Variants in BLTP3A observed in about 807,000 individuals in gnomAD.
BLTP3A encodes the protein bridge-like lipid transfer protein family member 3A.
the BLTP3A span, among the ~76,000 whole-genome samples, chr6:34,817,601 C>T: frequency 1.3e-5 from 2 of 152,140 alleles, no homozygotes; most frequent in Non-Finnish European, 2.9e-5. Context: ...TTCCTTGCCT[C>T]CAGAGTCCTG....
chr6:34,858,065 G>C, the BLTP3A span: 15 of 1,578,848 alleles, frequency 9.5e-6, no homozygotes, highest in Non-Finnish European at 1.1e-5. Flanking sequence ...TGTATTAATA[G>C]TGGGATGCTG....
chr6:34,822,042 CCT>C, the BLTP3A span: 10 of 1,527,822 alleles, frequency 6.5e-6, no homozygotes, highest in East Asian at 2.2e-4. Context: ...ATAGGCTAAC[CCT>C]TTTAGGAATG....
chr6:34,812,031 AAAG>A, the BLTP3A span, among the ~76,000 whole-genome samples: 3 of 152,118 alleles, frequency 2.0e-5, no homozygotes, highest in Admixed American at 2.0e-4. Flanking sequence ...GCTCTTAAAA[AAAG>A]AAAAAAGAGT....
chr6:34,795,681 G>A, the BLTP3A span, among the ~76,000 whole-genome samples: 8 of 151,964 alleles, frequency 5.3e-5, no homozygotes, highest in Admixed American at 2.0e-4. Context: ...GATTACAGGC[G>A]TGAGCCACCG....
chr6:34,824,364 T>C, the BLTP3A span, among the ~76,000 whole-genome samples: 1 of 151,634 alleles, frequency 6.6e-6, no homozygotes, highest in East Asian at 1.9e-4. Context: ...GAAACCCCGT[T>C]TCTACTAAAA....
At chr6:34,854,906 G>T in the BLTP3A span, among the ~76,000 whole-genome samples, 2 of 152,148 alleles carry the variant, frequency 1.3e-5, no homozygotes, top group Non-Finnish European at 1.5e-5. Context: ...ATACACACAT[G>T]CAGAGGAAAT....
chr6:34,872,409 A>G, the BLTP3A span: 1 of 1,612,654 alleles, frequency 6.2e-7, no homozygotes, highest in Admixed American at 1.7e-5. Context: ...TCAGGAGATT[A>G]GGAAATATAA....
At chr6:34,824,702 G>A in the BLTP3A span, among the ~76,000 whole-genome samples, 3 of 150,464 alleles carry the variant, frequency 2.0e-5, no homozygotes, top group Admixed American at 6.6e-5. Context: ...ACAGGGTCTC[G>A]CTCTGTCACC....
chr6:34,875,683 C>A, the BLTP3A span: 1 of 152,152 alleles, frequency 6.6e-6, no homozygotes, highest in South Asian at 2.1e-4. Context: ...TATGTGGCAG[C>A]TTTGGCCATT....
chr6:34,839,207 G>A, the BLTP3A span, among the ~76,000 whole-genome samples: 5 of 152,190 alleles, frequency 3.3e-5, no homozygotes, highest in South Asian at 4.1e-4. Context: ...CCGAGATGGC[G>A]CCATTGCACT....
the BLTP3A span, chr6:34,873,498 T>C: frequency 1.3e-5 from 2 of 152,200 alleles, no homozygotes; most frequent in African/African-American, 4.8e-5. Context: ...CTCATGTATT[T>C]TGACTCAAGT....
chr6:34,803,980 A>G, the BLTP3A span, among the ~76,000 whole-genome samples: 2 of 152,182 alleles, frequency 1.3e-5, no homozygotes, highest in African/African-American at 2.4e-5. Context: ...GTTGAGGAAC[A>G]CATTTCATTT....
the BLTP3A span, among the ~76,000 whole-genome samples, chr6:34,822,845 G>C: frequency 6.8e-6 from 1 of 147,868 alleles, no homozygotes; most frequent in Non-Finnish European, 1.5e-5. Flanking sequence ...GTAAGACTCT[G>C]TTTCGGGAAA....
chr6:34,807,693 A>G, the BLTP3A span, among the ~76,000 whole-genome samples: 1 of 152,192 alleles, frequency 6.6e-6, no homozygotes, highest in East Asian at 1.9e-4. Flanking sequence ...AGATTTGTTG[A>G]CAGTGTAAAT....
At chr6:34,807,068 C>T in the BLTP3A span, among the ~76,000 whole-genome samples, 3 of 152,094 alleles carry the variant, frequency 2.0e-5, no homozygotes, top group Non-Finnish European at 4.4e-5. Flanking sequence ...TAATCTAGAG[C>T]CTGCATGTAG....
At chr6:34,844,798 T>C in the BLTP3A span, among the ~76,000 whole-genome samples, 1 of 152,360 alleles carries the variant, frequency 6.6e-6, no homozygotes, top group East Asian at 1.9e-4. Flanking sequence ...TCCCATTCTG[T>C]GGGTTGTCTC....
chr6:34,862,027 T>A, the BLTP3A span, among the ~76,000 whole-genome samples: 1 of 152,354 alleles, frequency 6.6e-6, no homozygotes. Context: ...AATGTCCTTA[T>A]TTTTGTGAAC....
chr6:34,861,890 C>T, the BLTP3A span, among the ~76,000 whole-genome samples: 1 of 152,166 alleles, frequency 6.6e-6, no homozygotes, highest in African/African-American at 2.4e-5. Context: ...TGGCTGAATA[C>T]ATGATTTTTA....
chr6:34,797,272 A>G, the BLTP3A span, among the ~76,000 whole-genome samples: 37 of 152,228 alleles, frequency 2.4e-4, no homozygotes, highest in Non-Finnish European at 4.1e-4. Context: ...CCTCAGCGAT[A>G]GAGACCTGGC....
Sources: gnomAD v4.1 joint callset for allele counts (sites outside exome capture counted in the v4.1 genomes callset) on GRCh38, gnomAD v4.1.1 for gene constraint, MANE v1.5 for transcripts, NCBI Gene and HGNC (gene_info 2026-07-23, HGNC 2026-07-21) for gene names.